TXNDC9: variants seen among roughly 807,000 people sequenced by gnomAD.
TXNDC9 encodes the protein thioredoxin domain containing 9.
Under a neutral mutation model 23.0 loss-of-function variants are expected in TXNDC9, and 7 were observed. The ratio of observed to expected loss-of-function variants is 0.30; its 90% confidence interval spans 0.17 to 0.57. The LOEUF (loss-of-function observed/expected upper bound fraction) is 0.57. Ranked by LOEUF, TXNDC9 falls within the 20% of genes least tolerant of loss-of-function variation. TXNDC9 has a pLI of 0.90. For missense variants in TXNDC9, 198 were observed against 252.6 expected, an observed-to-expected ratio of 0.78 and a Z score of 1.47; for synonymous variants, 72 against 90.6, an observed-to-expected ratio of 0.79 and a Z score of 1.17.
chr2:99,306,857 C>T, the TXNDC9 span: 5 of 442,634 alleles, frequency 1.1e-5, no homozygotes, highest in Non-Finnish European at 2.3e-5. Flanking sequence ...TGATCACTCT[C>T]ATGCTACAAT....
downstream of TXNDC9, among the ~76,000 whole-genome samples, chr2:99,315,200 C>CTTG (rs1426756712): frequency 1.3e-5 from 2 of 151,700 alleles, no homozygotes; most frequent in Admixed American, 6.6e-5. Flanking sequence ...GTAGCTGGGA[C>CTTG]TACAGGCGCA....
downstream of TXNDC9, among the ~76,000 whole-genome samples, chr2:99,315,151 C>T (rs1284233743): frequency 6.6e-6 from 1 of 151,730 alleles, no homozygotes; most frequent in Non-Finnish European, 1.5e-5. Context: ...CAAGCTCTGC[C>T]TCCTGGGTTC....
rs950465447 is a variant in TXNDC9 at position 99,325,513 on chromosome 2, C to T, written c.308+2022G>A. ...GAACTTTGCTAATATATAAAGTTCA[C>T]TGGATGATTTTGATTTTTCAGTTCT... On this transcript the variant is annotated intron_variant, in intron 3 of 4. Coordinates refer to ENST00000264255, the MANE Select transcript of TXNDC9 (RefSeq NM_005783.4). Among the ~76,000 whole-genome samples the T allele has an allele frequency of 2.6e-5, 4 of 152,178 alleles. 1 individual carries two copies. In the South Asian group the frequency reaches 8.3e-4, roughly 31 times the overall value.
the TXNDC9 span, among the ~76,000 whole-genome samples, chr2:99,311,227 A>G: frequency 6.6e-6 from 1 of 152,126 alleles, no homozygotes; most frequent in African/African-American, 2.4e-5. Context: ...GTCTTCTGAC[A>G]CAGGAGAATT....
chr2:99,315,805 A>G (rs2105315510), downstream of TXNDC9, among the ~76,000 whole-genome samples: 1 of 152,346 alleles, frequency 6.6e-6, no homozygotes, highest in Admixed American at 6.5e-5. Flanking sequence ...ACTACAAAAC[A>G]CAAGGGTTTA....
chr2:99,320,909 G>A (rs1476856071), intron 4 of TXNDC9, among the ~76,000 whole-genome samples: 1 of 152,032 alleles, frequency 6.6e-6, no homozygotes, highest in Non-Finnish European at 1.5e-5. Flanking sequence ...GTTTCTACTA[G>A]TTTTTTGTAG....
At chr2:99,307,417 C>A in the TXNDC9 span, 4 of 142,184 alleles carry the variant, frequency 2.8e-5, no homozygotes, top group Admixed American at 2.9e-4. Context: ...AACAAGAGAA[C>A]AGGACTCTAT....
At chr2:99,309,581 C>T in the TXNDC9 span, among the ~76,000 whole-genome samples, 1 of 151,886 alleles carries the variant, frequency 6.6e-6, no homozygotes, top group Non-Finnish European at 1.5e-5. Flanking sequence ...TGCCTGTAAT[C>T]CCAGCACTTT....
chr2:99,324,606 C>T (rs2105321729), intron 3 of TXNDC9, among the ~76,000 whole-genome samples: 1 of 152,172 alleles, frequency 6.6e-6, no homozygotes, highest in South Asian at 2.1e-4. Flanking sequence ...TGGAGTCTCG[C>T]TCTGTCGCCC....
At chr2:99,322,252 G>A (rs762525152) in intron 3 of TXNDC9, 43 bp from the exon 4 acceptor site, 1 of 1,568,302 alleles carries the variant, frequency 6.4e-7, no homozygotes, top group South Asian at 1.2e-5. Flanking sequence ...TAAAACCACA[G>A]ATCGCTTTTT....
intron 1 of TXNDC9, among the ~76,000 whole-genome samples, chr2:99,335,054 C>T (rs1173377097): frequency 6.6e-6 from 1 of 152,102 alleles, no homozygotes; most frequent in African/African-American, 2.4e-5. Flanking sequence ...GTATTTTGTA[C>T]GAGAAATTTT....
intron 2 of TXNDC9, among the ~76,000 whole-genome samples, chr2:99,331,006 T>A (rs540459211): frequency 6.6e-6 from 1 of 152,222 alleles, no homozygotes; most frequent in Admixed American, 6.5e-5. Context: ...CAGTCTGCCT[T>A]AGTTGGTTTT....
the TXNDC9 span, among the ~76,000 whole-genome samples, chr2:99,309,096 A>T: frequency 6.6e-6 from 1 of 152,188 alleles, no homozygotes; most frequent in East Asian, 1.9e-4. Flanking sequence ...AAATAGCTTT[A>T]AAATAGGCCT....
At chr2:99,311,562 C>T in the TXNDC9 span, among the ~76,000 whole-genome samples, 336 of 152,256 alleles carry the variant, frequency 2.2e-3, 1 homozygote, top group Middle Eastern at 0.01. Context: ...CTCCCAAAGA[C>T]GAGATTACAG....
chr2:99,316,005 G>A (rs971269481), downstream of TXNDC9, among the ~76,000 whole-genome samples: 3 of 151,492 alleles, frequency 2.0e-5, no homozygotes, highest in African/African-American at 7.3e-5. Flanking sequence ...GGAGGTTTTT[G>A]TTTTTTTGAA....
chr2:99,327,910 G>A lies in TXNDC9; in HGVS notation c.190-257C>T, dbSNP rs189648173. Among the ~76,000 whole-genome samples, 167 of 150,830 alleles carry A rather than the reference G, an allele frequency of 1.1e-3. 3 individuals carry two copies. In the East Asian group the frequency reaches 0.024, roughly 22 times the overall value. ...AGCAATTCTCCTGCTTCAGCCTCCC[G>A]AGTAGCTGGGACTACAGGCGGGCAC... On this transcript the variant is annotated intron_variant, in intron 2 of 4. Coordinates refer to ENST00000264255, the MANE Select transcript of TXNDC9 (RefSeq NM_005783.4).
chr2:99,315,745 C>G (rs2094187752), downstream of TXNDC9, among the ~76,000 whole-genome samples: 1 of 152,198 alleles, frequency 6.6e-6, no homozygotes, highest in Non-Finnish European at 1.5e-5. Flanking sequence ...GTTGAAGAGA[C>G]TATTCTTTCC....
chr2:99,317,149 T>C (rs1281759521), downstream of TXNDC9, among the ~76,000 whole-genome samples: 1 of 152,082 alleles, frequency 6.6e-6, no homozygotes, highest in African/African-American at 2.4e-5. Flanking sequence ...TTTCCTTTAG[T>C]TTTTTTTGGA....
chr2:99,331,465 T>G (rs900714229), intron 2 of TXNDC9, among the ~76,000 whole-genome samples: 2 of 149,308 alleles, frequency 1.3e-5, no homozygotes, highest in Admixed American at 6.7e-5. Flanking sequence ...TCCCAGCTAC[T>G]TGAGAGGTCA....
Sources: allele counts gnomAD v4.1 joint callset (sites outside exome capture counted in the v4.1 genomes callset), GRCh38; gene constraint gnomAD v4.1.1; transcripts MANE v1.5; gene names NCBI Gene and HGNC (gene_info 2026-07-23, HGNC 2026-07-21).